USB1: variants seen among roughly 807,000 people sequenced by gnomAD.
USB1 encodes the protein U6 snRNA biogenesis phosphodiesterase 1.
USB1 carries 21 observed loss-of-function variants against 29.9 expected under a neutral mutation model. The observed-to-expected ratio is 0.70, with a 90% CI of 0.50 to 1.01. The LOEUF (loss-of-function observed/expected upper bound fraction) is 1.01. Ranked by LOEUF, USB1 falls within the 50% of genes least tolerant of loss-of-function variation. The pLI, the probability that USB1 is intolerant of heterozygous loss-of-function variation, is 0.00. For synonymous variants in USB1, 143 were observed against 134.9 expected (o/e 1.06, Z -0.42); for missense variants, 330 against 347.1 (o/e 0.95, Z 0.39).
chr16:58,020,538 TCC>T lies in USB1; in HGVS notation c.*296_*297del, dbSNP rs1963714919. The stretch of plus-strand genomic sequence containing the variant: ...CTCTCTCTCTTCCTCTTCTCTCTCT[TCC>T]CCTCCTGTCTCTCCTCCCCTCCTCT... On this transcript the variant is annotated 3_prime_UTR_variant, in exon 7 of 7. Transcript: ENST00000219281. 3 of 381,642 alleles carry T rather than the reference TCC, an allele frequency of 7.9e-6. No homozygotes were observed. The highest frequency in any genetic ancestry group is 1.4e-5 in the Non-Finnish European group (3 of 216,140). The allele number at this position is 381,642 out of a possible 1,614,324, so 23.6% of individuals were successfully genotyped here.
At chr16:58,012,136 GA>G in intron 3 of USB1, 1 of 1,410,080 alleles carries the variant, frequency 7.1e-7, no homozygotes, top group Non-Finnish European at 9.2e-7. Flanking sequence ...GCCCAACTAG[GA>G]AACTGCTCAG....
chr16:58,018,299 TC>T (rs1206373880), intron 5 of USB1, among the ~76,000 whole-genome samples: 1 of 149,228 alleles, frequency 6.7e-6, no homozygotes, highest in African/African-American at 2.5e-5. Flanking sequence ...CAATCTCAGC[TC>T]CCTGCAACCT....
At position 58,013,380 on chromosome 16, in the gene USB1, T is replaced by C. The variant is rs1465611909; in HGVS notation, c.450-893T>C. On this transcript the variant is annotated intron_variant, in intron 3 of 6. Coordinates refer to ENST00000219281, the MANE Select transcript of USB1 (RefSeq NM_024598.4). This position sits in a 1 kb window ranked among gnomAD's most constrained non-coding sequence, Gnocchi z 4.3. ...AGGCAGAGAGTTGGCTGACTGACTT[T>C]TGCCCTTGGGCAGATTGTGAGGCTC... 34 of 985,402 alleles carry C rather than the reference T, an allele frequency of 3.5e-5. No homozygotes were observed. Among genetic ancestry groups the C allele is most frequent in the Non-Finnish European group, 4.1e-5 (34 of 829,992 alleles). 61.0% of individuals were successfully genotyped at this position (985,402 alleles called of 1,614,324 possible).
upstream of USB1, chr16:58,001,350 G>T (rs374413203): frequency 5.8e-5 from 59 of 1,025,204 alleles, 1 homozygote; most frequent in East Asian, 9.4e-4. Context: ...GCCGGGTTCC[G>T]CCCCTCCCGG....
At chr16:58,007,434 C>T (rs4784882) in intron 2 of USB1, among the ~76,000 whole-genome samples, 116,583 of 151,968 alleles carry the variant, frequency 0.77, 45,269 homozygotes, top group African/African-American at 0.84. Context: ...CAGGATGGAG[C>T]ACACTGGCAT....
rs189432686 is a variant in USB1, at chr16:58,012,259, C to T, written c.450-2014C>T. 5.9e-6 allele frequency: 9 copies of T among 1,534,334 alleles called. No homozygotes were observed. The African/African-American group carries it at 6.8e-5, about 12-fold the overall frequency. ...CTCTCAACCTAGTCCAGCCCTCCCC[C>T]TCTTTGGATTGTCATTATCAAGTTG... On this transcript the variant is annotated intron_variant, in intron 3 of 6. Transcript: ENST00000219281.
At chr16:58,000,914 G>C (rs747258849), upstream of USB1, among the ~76,000 whole-genome samples, 1 of 152,220 alleles carries the variant, frequency 6.6e-6, no homozygotes, top group East Asian at 1.9e-4. The surrounding 1 kb of genome is among the most constrained non-coding windows in gnomAD (Gnocchi z 4.5). Flanking sequence ...CTCGGGCTTA[G>C]GGGAGGGGGC....
chr16:58,017,341 A>T lies in USB1; in HGVS notation c.511A>T (p.Ile171Phe), dbSNP rs1399480815. 6.2e-7 allele frequency: 1 copy of T among 1,614,040 alleles called. No homozygotes were observed. Among genetic ancestry groups the T allele is most frequent in the African/African-American group, 1.3e-5 (1 of 74,998 alleles). The change falls in exon 5 of 7, where the codon ATT becomes TTT. Residue 171 changes from isoleucine (I) to phenylalanine (F), a missense_variant. By Grantham distance (21) the Ile-to-Phe change is conservative (BLOSUM62 0). Transcript: ENST00000219281. Reference protein sequence around the residue: ...YTNQEKTRTFIGLEVTSGHAQ... With the variant: ...YTNQEKTRTFFGLEVTSGHAQ... ...TTGTCTTCCTCTCCCCAGGACCTTT[A>T]TTGGGCTTGAGGTCACTTCAGGGCA...
At chr16:58,010,837 C>T (rs1267413397) in intron 3 of USB1, 12 of 598,808 alleles carry the variant, frequency 2.0e-5, no homozygotes, top group Non-Finnish European at 1.2e-5. Flanking sequence ...CACATGGGTG[C>T]GTTCTTAATC....
At chr16:58,010,225 C>A in intron 3 of USB1, 113 bp downstream of exon 3, 2 of 1,317,180 alleles carry the variant, frequency 1.5e-6, no homozygotes, top group African/African-American at 1.5e-5. Flanking sequence ...AGATAGAACA[C>A]GGCCCCTCTC....
upstream of USB1, chr16:58,001,399 G>A (rs1963181121): frequency 2.0e-6 from 3 of 1,499,950 alleles, no homozygotes; most frequent in Non-Finnish European, 2.7e-6. Flanking sequence ...CCCCGCCCCT[G>A]GGAGGGCGCT....
rs1963706850 is a variant in USB1 at position 58,020,255 on chromosome 16, G to A, written c.*10G>A. 6.2e-7 allele frequency: 1 copy of A among 1,613,692 alleles called. No homozygotes were observed. The highest frequency in any genetic ancestry group is 1.3e-5 in the African/African-American group (1 of 75,002). Reference sequence around the variant, plus strand: ...GATGCCTTTGAAGTGAGCACCAGAGGCCTTCCTCCTCCAGGGCCCTCTGCA... The same window carrying A: ...GATGCCTTTGAAGTGAGCACCAGAGACCTTCCTCCTCCAGGGCCCTCTGCA... On this transcript the variant is annotated 3_prime_UTR_variant, in exon 7 of 7. Coordinates refer to ENST00000219281, the MANE Select transcript of USB1 (RefSeq NM_024598.4).
intron 4 of USB1, chr16:58,016,352 CTGTT>C (rs1294664049): frequency 2.6e-5 from 4 of 152,294 alleles, no homozygotes; most frequent in South Asian, 2.1e-4. Context: ...TGCTTTGTAC[CTGTT>C]TGTTTGTACC....
intron 4 of USB1, among the ~76,000 whole-genome samples, chr16:58,014,955 G>A (rs1417216201): frequency 6.6e-6 from 1 of 151,978 alleles, no homozygotes; most frequent in African/African-American, 2.4e-5. Context: ...GCAGGCGCCT[G>A]TAATCCCAGC....
In USB1 at chr16:58,007,195, T is replaced by C. The variant is rs184580501; in HGVS notation, c.266-2734T>C. On this transcript the variant is annotated intron_variant, in intron 2 of 6. Coordinates refer to ENST00000219281, the MANE Select transcript of USB1 (RefSeq NM_024598.4). ...GTTTTCTTGTAATGTCTTTTTCTGG[T>C]ATTGGTATGAGGATAATGCTGGCCT... Among the ~76,000 whole-genome samples the C allele has an allele frequency of 1.7e-3, 263 of 152,340 alleles. 1 individual carries two copies. The highest frequency in any genetic ancestry group is 6.0e-3 in the African/African-American group (251 of 41,580).
intron 3 of USB1, chr16:58,012,228 AC>A: frequency 6.6e-7 from 1 of 1,525,188 alleles, no homozygotes; most frequent in South Asian, 1.2e-5. Context: ...AAGGGCTGAA[AC>A]TCATCTCTCA....
chr16:58,019,084 G>A, intron 6 of USB1, 29 bp downstream of exon 6: 1 of 1,609,722 alleles, frequency 6.2e-7, no homozygotes, highest in Non-Finnish European at 8.5e-7. Context: ...AGCACAGAGG[G>A]CGCTGAACTC....
chr16:58,014,250 A>G, intron 3 of USB1, 23 bp from the exon 4 acceptor site: 1 of 1,601,180 alleles, frequency 6.2e-7, no homozygotes, highest in Non-Finnish European at 8.6e-7. Flanking sequence ...ATTTTTCCTG[A>G]AATATGGTCT....
At chr16:58,008,453 C>CTTTTTTTTTTTT (rs56262437) in intron 2 of USB1, among the ~76,000 whole-genome samples, 10 of 115,184 alleles carry the variant, frequency 8.7e-5, no homozygotes, top group Non-Finnish European at 1.1e-4. Context: ...TTTTCTTTTT[C>CTTTTTTTTTTTT]TTTTTTTTTT....
Sources: gnomAD v4.1 joint callset for allele counts (sites outside exome capture counted in the v4.1 genomes callset) on GRCh38, gnomAD v4.1.1 for gene constraint, Gnocchi (gnomAD v3.1) non-coding constraint, MANE v1.5 for transcripts, NCBI Gene and HGNC (gene_info 2026-07-23, HGNC 2026-07-21) for gene names.